Variants in C2CD3 observed in about 807,000 individuals in gnomAD.
C2CD3 encodes the protein C2 domain-containing protein 3.
C2CD3 carries 148 observed loss-of-function variants against 234.0 expected under a neutral mutation model. The observed-to-expected ratio is 0.63, with a 90% CI of 0.55 to 0.72. The LOEUF (loss-of-function observed/expected upper bound fraction) is 0.72. Among genes scored for constraint, C2CD3 ranks in the 30% least tolerant of loss-of-function variants. C2CD3 has a pLI of 0.00. For synonymous variants in C2CD3, 1,000 were observed against 1,035.4 expected (o/e 0.97, Z 0.66); for missense variants, 2,577 against 2,811.5 (o/e 0.92, Z 1.89).
rs1440259157 is a variant in C2CD3 at position 74,037,693 on chromosome 11, T to G, written c.5666A>C (p.Asn1889Thr). 1.2e-6 allele frequency: 2 copies of G among 1,612,444 alleles called. No homozygotes were observed. The highest frequency in any genetic ancestry group is 1.7e-6 in the Non-Finnish European group (2 of 1,178,980). The change falls in exon 30 of 33, where the codon AAT (asparagine) becomes ACT (threonine). Residue 1889 changes from asparagine to threonine, a missense_variant. By Grantham distance (65) the Asn-to-Thr change is moderately conservative (BLOSUM62 0). Coordinates refer to ENST00000334126, the MANE Select transcript of C2CD3 (RefSeq NM_001286577.2). ...QTSILTSLRK[N>T]LSELDQIQRY... ...CTGAATCTGATCAAGCTCACTCAGATTCTTCCTATAAACAAAAGGGGGAGA... is the reference window on the plus strand; with the variant it reads ...CTGAATCTGATCAAGCTCACTCAGAGTCTTCCTATAAACAAAAGGGGGAGA...
In C2CD3 at chr11:74,118,413, T is replaced by C. The variant is rs779295988; in HGVS notation, c.1366-31A>G. The C allele has an allele frequency of 8.8e-6, 14 of 1,582,860 alleles. No individual in the cohort carries two copies. The Admixed American group carries it at 1.7e-4, about 19-fold the overall frequency. Reference sequence around the variant, plus strand: ...GAGAGGAAGAAACAGAGACACTAAATGACTGCTGCTTTGGGAATTGTAGCT... The same window carrying C: ...GAGAGGAAGAAACAGAGACACTAAACGACTGCTGCTTTGGGAATTGTAGCT... On this transcript the variant is annotated intron_variant, in intron 8 of 32. Transcript: ENST00000334126.
chr11:74,117,645 G>A (rs572741806), intron 9 of C2CD3, among the ~76,000 whole-genome samples: 106 of 152,086 alleles, frequency 7.0e-4, no homozygotes, highest in Middle Eastern at 3.4e-3. Context: ...CGGGTGTGGT[G>A]GCTCACAACT....
chr11:74,054,632 C>T lies in C2CD3; in HGVS notation c.5130G>A (p.Leu1710=), dbSNP rs774869167. Residue 1710 remains leucine, a synonymous_variant, in exon 26 of 33, where the codon CTG becomes CTA. Transcript: ENST00000334126. ...KELLLDPQQT[L]VFKVWHKGDE... ...CTCCTTTATGCCAAACTTTGAAGAC[C>T]AGGGTTTGTTGTGGGTCCAGAAGCA... 2 of 1,611,638 alleles carry T rather than the reference C, an allele frequency of 1.2e-6. No homozygotes were observed. The highest frequency in any genetic ancestry group is 1.1e-5 in the South Asian group (1 of 90,666).
chr11:74,098,019 G>C lies in C2CD3; in HGVS notation c.2969C>G (p.Ser990Cys), dbSNP rs1370765083. ...CATAGCGTTTATTACCATAGCAACA[G>C]ATGCTGCAGTTGGCTGGTCCAGGAA... is the stretch of plus-strand genomic sequence containing the variant. ...AHFLDQPTAA[S>C]VAMAEDRGNG... The change falls in exon 16 of 33, where the codon TCT becomes TGT. Residue 990 changes from serine (S) to cysteine (C), a missense_variant. Physicochemically the swap from Ser to Cys is moderately radical, Grantham distance 112. Coordinates refer to ENST00000334126, the MANE Select transcript of C2CD3 (RefSeq NM_001286577.2). The C allele has an allele frequency of 1.4e-5, 22 of 1,613,812 alleles. No homozygotes were observed. The highest frequency in any genetic ancestry group is 1.9e-5 in the Non-Finnish European group (22 of 1,179,956).
rs560792693 is a variant in C2CD3, at chr11:74,061,525, T to G, written c.4952-3981A>C. Among the ~76,000 whole-genome samples the G allele has an allele frequency of 1.8e-4, 27 of 152,346 alleles. No individual in the cohort carries two copies. In the East Asian group the frequency reaches 2.3e-3, roughly 13 times the overall value. On this transcript the variant is annotated intron_variant, in intron 24 of 32. Coordinates refer to ENST00000334126, the MANE Select transcript of C2CD3 (RefSeq NM_001286577.2). ...CCCAGAATTTCATATCCAGTCAAAC[T>G]GAGCTTCATAAGTGAAAGTGAAATG...
At chr11:74,120,370 A>G (rs1217647249) in intron 8 of C2CD3, among the ~76,000 whole-genome samples, 1 of 152,158 alleles carries the variant, frequency 6.6e-6, no homozygotes, top group African/African-American at 2.4e-5. Flanking sequence ...GAGTGAGAAC[A>G]GGCGGTGTTT....
At chr11:74,151,478 C>T (rs1855656785) in intron 3 of C2CD3, among the ~76,000 whole-genome samples, 1 of 152,038 alleles carries the variant, frequency 6.6e-6, no homozygotes, top group Non-Finnish European at 1.5e-5. Flanking sequence ...AGGCACATGC[C>T]ACCATGTCCA....
chr11:74,129,143 C>T (rs1341000488), intron 7 of C2CD3: 26 of 174,492 alleles, frequency 1.5e-4, no homozygotes, highest in African/African-American at 5.2e-4. Flanking sequence ...CGCCCCTCAC[C>T]TCCCGGACGG....
chr11:74,123,028 TACTG>T lies in C2CD3; in HGVS notation c.1321_1324del (p.Gln441MetfsTer36). 1 of 1,613,646 alleles carries T rather than the reference TACTG, an allele frequency of 6.2e-7. No individual in the cohort carries two copies. Among genetic ancestry groups the T allele is most frequent in the Non-Finnish European group, 8.5e-7 (1 of 1,179,538 alleles). ...TAAATTCTCCAGAAGACTCTGGTCA[TACTG>T]AGGGTCATTCAGCTCACTGATGCAA... On this transcript the variant is annotated frameshift_variant, in exon 8 of 33. Coordinates refer to ENST00000334126, the MANE Select transcript of C2CD3 (RefSeq NM_001286577.2). LOFTEE classifies it high-confidence loss of function.
chr11:74,155,942 A>G (rs1174727678), intron 3 of C2CD3, among the ~76,000 whole-genome samples: 2 of 151,792 alleles, frequency 1.3e-5, no homozygotes, highest in East Asian at 3.9e-4. Flanking sequence ...GGAGTTCCAG[A>G]CCAGCCTGGA....
At chr11:74,074,731 A>T in intron 23 of C2CD3, 131 bp from the exon 24 acceptor site, 1 of 675,634 alleles carries the variant, frequency 1.5e-6, no homozygotes, top group South Asian at 2.0e-5. Context: ...AGCAATTTGC[A>T]AAAGAAACTA....
chr11:74,093,833 C>A lies in C2CD3; in HGVS notation c.3327G>T (p.Gln1109His), dbSNP rs758375673. The stretch of plus-strand genomic sequence containing the variant: ...CACTGTACCTGCACCAGATTTCAAA[C>A]TGGACTCCACCTCCAGGCACGAGGC... ...AQGLVPGGGV[Q>H]FEIWCRYYYP... The change falls in exon 18 of 33, where the codon CAG (glutamine) becomes CAT (histidine). Residue 1109 changes from glutamine (Q) to histidine (H), a missense_variant. Coordinates refer to ENST00000334126, the MANE Select transcript of C2CD3 (RefSeq NM_001286577.2). 3 of 1,613,836 alleles carry A rather than the reference C, an allele frequency of 1.9e-6. No individual in the cohort carries two copies. The highest frequency in any genetic ancestry group is 1.7e-6 in the Non-Finnish European group (2 of 1,179,826).
At chr11:74,125,903 T>C (rs1036722165) in intron 7 of C2CD3, among the ~76,000 whole-genome samples, 3 of 152,174 alleles carry the variant, frequency 2.0e-5, no homozygotes, top group African/African-American at 7.2e-5. Flanking sequence ...AAGTCAGGGA[T>C]GCCCCAATAT....
intron 2 of C2CD3, among the ~76,000 whole-genome samples, chr11:74,162,091 C>T (rs79613062): frequency 0.019 from 2,881 of 152,218 alleles, 29 homozygotes; most frequent in African/African-American, 0.034. Flanking sequence ...ACTGGGATTA[C>T]AAGTATGAGG....
intron 28 of C2CD3, among the ~76,000 whole-genome samples, chr11:74,044,781 G>A (rs1953275558): frequency 6.6e-6 from 1 of 151,972 alleles, no homozygotes; most frequent in East Asian, 1.9e-4. Flanking sequence ...ATGCTTAGCT[G>A]CCACTTATAA....
chr11:74,119,577 A>AG lies in C2CD3; in HGVS notation c.1366-1196dup, dbSNP rs576082320. ...GGGGTATAATGTGTTGATCTGTGATAGGGGGACAAATTAATTTAAATAAGC... is the reference window on the plus strand; with the variant it reads ...GGGGTATAATGTGTTGATCTGTGATAGGGGGGACAAATTAATTTAAATAAGC... On this transcript the variant is annotated intron_variant, in intron 8 of 32. Transcript: ENST00000334126. 1.3e-3 allele frequency among the ~76,000 whole-genome samples: 195 copies of AG among 151,828 alleles called. 1 individual carries two copies. Among genetic ancestry groups the AG allele is most frequent in the Admixed American group, 0.013 (193 of 15,240 alleles).
intron 23 of C2CD3, among the ~76,000 whole-genome samples, chr11:74,076,208 T>G (rs1004848329): frequency 1.3e-5 from 2 of 152,122 alleles, no homozygotes; most frequent in Non-Finnish European, 2.9e-5. Context: ...TTTGATGTGC[T>G]CAAGAGAGCC....
intron 2 of C2CD3, among the ~76,000 whole-genome samples, chr11:74,167,690 T>A (rs1371838432): frequency 6.6e-6 from 1 of 152,210 alleles, no homozygotes; most frequent in Non-Finnish European, 1.5e-5. Flanking sequence ...AACCCCATCA[T>A]CCAAAATGTA....
chr11:74,076,830 A>G (rs1236658131), intron 23 of C2CD3, among the ~76,000 whole-genome samples: 3 of 152,094 alleles, frequency 2.0e-5, no homozygotes, highest in African/African-American at 7.2e-5. Flanking sequence ...TATCACTTTC[A>G]CTGAGATGCT....
Sources: allele counts gnomAD v4.1 joint callset (sites outside exome capture counted in the v4.1 genomes callset), GRCh38; gene constraint gnomAD v4.1.1; transcripts MANE v1.5; gene names NCBI Gene and HGNC (gene_info 2026-07-23, HGNC 2026-07-21).